CCDC30: variants seen among roughly 807,000 people sequenced by gnomAD.
The protein encoded by CCDC30 is coiled-coil domain containing 30.
In CCDC30, 70 loss-of-function variants were observed where a neutral mutation model predicts 100.2. The observed-to-expected ratio is 0.70, with a 90% CI of 0.58 to 0.85. The LOEUF (loss-of-function observed/expected upper bound fraction) is 0.85. Among genes scored for constraint, CCDC30 ranks in the 40% least tolerant of loss-of-function variants. CCDC30 has a pLI of 0.00. For missense variants in CCDC30, 652 were observed against 771.2 expected, an observed-to-expected ratio of 0.85 and a Z score of 1.83; for synonymous variants, 233 against 269.5, an observed-to-expected ratio of 0.86 and a Z score of 1.33.
At chr1:42,468,743 C>A (rs1227933665) in intron 1 of CCDC30, 1 of 152,100 alleles carries the variant, frequency 6.6e-6, no homozygotes, top group Admixed American at 6.5e-5. Context: ...TACATTTATT[C>A]TACAGACAGA....
chr1:42,473,840 G>T (rs1643842164), intron 1 of CCDC30, among the ~76,000 whole-genome samples: 2 of 152,200 alleles, frequency 1.3e-5, no homozygotes, highest in Non-Finnish European at 2.9e-5. Flanking sequence ...GTGAACAAAT[G>T]ATTCTAACTT....
intron 11 of CCDC30, among the ~76,000 whole-genome samples, chr1:42,611,340 T>C (rs2148642419): frequency 6.6e-6 from 1 of 152,296 alleles, no homozygotes; most frequent in Non-Finnish European, 1.5e-5. Context: ...ATTGAACTTG[T>C]TTTTCCCCAA....
chr1:42,494,035 G>A lies in CCDC30; in HGVS notation c.242-3063G>A, dbSNP rs146957026. Among the ~76,000 whole-genome samples the A allele has an allele frequency of 7.9e-3, 1,203 of 152,224 alleles. 21 individuals are homozygous for A. The highest frequency in any genetic ancestry group is 0.027 in the African/African-American group (1,124 of 41,532). On this transcript the variant is annotated intron_variant, in intron 4 of 16. Transcript: ENST00000668663. ...TCAAGACCAGCCTGGTGAGCATGGC[G>A]AAACCCCATCTCTACTAAAAATACA...
At position 42,543,059 on chromosome 1, in the gene CCDC30, A is replaced by G. The variant is rs1184195499; in HGVS notation, c.457-23237A>G. Reference sequence around the variant, plus strand: ...ATAAAATTGTCTTTTACGTTCCTTTATAATCTGACCTCTCCCTTCAATCTT... The same window carrying G: ...ATAAAATTGTCTTTTACGTTCCTTTGTAATCTGACCTCTCCCTTCAATCTT... On this transcript the variant is annotated intron_variant, in intron 6 of 16. Transcript: ENST00000668663. Among the ~76,000 whole-genome samples, 5 of 152,102 alleles carry G rather than the reference A, an allele frequency of 3.3e-5. No individual in the cohort carries two copies. The East Asian group carries it at 9.7e-4, about 29-fold the overall frequency.
At chr1:42,564,522 T>TCAGGTGATCCACCCACCTCGGC (rs1246489340) in intron 6 of CCDC30, among the ~76,000 whole-genome samples, 6 of 151,998 alleles carry the variant, frequency 3.9e-5, no homozygotes, top group African/African-American at 1.4e-4. Context: ...ACTCCTGACC[T>TCAGGTGATCCACCCACCTCGGC]CCCAAAGTGC....
chr1:42,646,735 T>C (rs1472860824), intron 15 of CCDC30, among the ~76,000 whole-genome samples: 2 of 152,184 alleles, frequency 1.3e-5, no homozygotes, highest in Non-Finnish European at 2.9e-5. Context: ...GGCAGTGCTC[T>C]CACCATTTAC....
chr1:42,466,485 A>C (rs1373904273), intron 1 of CCDC30, among the ~76,000 whole-genome samples: 1 of 152,150 alleles, frequency 6.6e-6, no homozygotes, highest in Admixed American at 6.6e-5. Flanking sequence ...TGGATTTTTA[A>C]GAGATTTAAT....
chr1:42,461,354 G>C (rs1336105185), upstream of CCDC30, among the ~76,000 whole-genome samples: 2 of 152,104 alleles, frequency 1.3e-5, no homozygotes, highest in African/African-American at 4.8e-5. Context: ...AATTTTCTTA[G>C]AGACAAGGTC....
chr1:42,576,934 G>T lies in CCDC30; in HGVS notation c.637-86G>T. 12 of 965,368 alleles carry T rather than the reference G, an allele frequency of 1.2e-5. No homozygotes were observed. In the South Asian group the frequency reaches 2.0e-4, roughly 16 times the overall value. The allele number at this position is 965,368 out of a possible 1,614,324, so 59.8% of individuals were successfully genotyped here. A position where few individuals can be genotyped will look rare whatever the true frequency, so the allele number is the denominator to read the frequency against. On this transcript the variant is annotated intron_variant, in intron 7 of 16. Transcript: ENST00000668663. ...CATTGGTATTTGTTGGCTTTTAGGGGACTATACTCCTTTGAAAGCTGCTTA... is the reference window on the plus strand; with the variant it reads ...CATTGGTATTTGTTGGCTTTTAGGGTACTATACTCCTTTGAAAGCTGCTTA...
chr1:42,470,504 T>C (rs898073020), intron 1 of CCDC30, among the ~76,000 whole-genome samples: 3 of 152,246 alleles, frequency 2.0e-5, no homozygotes, highest in African/African-American at 7.2e-5. Flanking sequence ...CAAATACTTT[T>C]ACACCAGTGT....
chr1:42,504,997 A>G (rs1489292060), intron 6 of CCDC30, among the ~76,000 whole-genome samples: 7 of 152,344 alleles, frequency 4.6e-5, no homozygotes, highest in African/African-American at 1.2e-4. Flanking sequence ...CTATAAGGAT[A>G]ATAATTAAGC....
chr1:42,642,489 AC>A lies in CCDC30; in HGVS notation c.1438del (p.Gln480ArgfsTer11). The A allele has an allele frequency of 6.3e-7, 1 of 1,592,948 alleles. No individual in the cohort carries two copies. The highest frequency in any genetic ancestry group is 8.5e-7 in the Non-Finnish European group (1 of 1,169,966). On this transcript the variant is annotated frameshift_variant, in exon 13 of 17. Coordinates refer to ENST00000668663, the Ensembl canonical transcript of CCDC30. LOFTEE classifies it high-confidence loss of function. The stretch of plus-strand genomic sequence containing the variant: ...AATCCCTAGGAGAAGGCAATACAGG[AC>A]CAGATCACTGCCCAAAATGATACCC...
At chr1:42,494,204 A>G (rs908859649) in intron 4 of CCDC30, among the ~76,000 whole-genome samples, 1 of 152,232 alleles carries the variant, frequency 6.6e-6, no homozygotes, top group Admixed American at 6.5e-5. Context: ...AACACCGCAT[A>G]TCTACAACTA....
chr1:42,473,252 T>A (rs1244702318), intron 1 of CCDC30: 3 of 1,231,522 alleles, frequency 2.4e-6, no homozygotes, highest in African/African-American at 3.1e-5. Context: ...TGAGGACTGC[T>A]ACCACAGATG....
intron 15 of CCDC30, among the ~76,000 whole-genome samples, chr1:42,652,664 G>A (rs1648452411): frequency 6.6e-6 from 1 of 152,012 alleles, no homozygotes; most frequent in African/African-American, 2.4e-5. Context: ...TAAACAAAAT[G>A]TGTTTTATCC....
intron 8 of CCDC30, 136 bp from the exon 13 acceptor site, chr1:42,581,224 T>C: frequency 1.5e-6 from 1 of 669,112 alleles, no homozygotes; most frequent in Non-Finnish European, 2.6e-6. Flanking sequence ...TAAAATTAAA[T>C]CTAGCTACTC....
rs367784739 is a variant in CCDC30, at chr1:42,468,068, AG to A, written c.-92+4171del. On this transcript the variant is annotated intron_variant, in intron 1 of 16. Coordinates refer to ENST00000668663, the Ensembl canonical transcript of CCDC30. Reference sequence around the variant, plus strand: ...GTAGTTCTGTATCCAATTCCTGTGTAGCCACATTTAGTTTCCAGCATATGTC... The same window carrying A: ...GTAGTTCTGTATCCAATTCCTGTGTACCACATTTAGTTTCCAGCATATGTC... Among the ~76,000 whole-genome samples, 11 of 152,320 alleles carry A rather than the reference AG, an allele frequency of 7.2e-5. No homozygotes were observed. In the East Asian group the frequency reaches 2.1e-3, roughly 29 times the overall value.
At chr1:42,554,710 A>G (rs1057354500) in intron 6 of CCDC30, among the ~76,000 whole-genome samples, 1 of 152,200 alleles carries the variant, frequency 6.6e-6, no homozygotes, top group African/African-American at 2.4e-5. Flanking sequence ...AAATAAAACC[A>G]GCATATTTGT....
At position 42,609,645 on chromosome 1, in the gene CCDC30, A is replaced by G. The variant is rs1646578246; in HGVS notation, c.1165-1333A>G. 2.6e-5 allele frequency among the ~76,000 whole-genome samples: 4 copies of G among 152,204 alleles called. No individual in the cohort carries two copies. In the South Asian group the frequency reaches 8.3e-4, roughly 32 times the overall value. ...TCCCTACACTTAACCCCAACTAACCATGGTGTGCTGGGATCCAACTGTAGT... is the reference window on the plus strand; with the variant it reads ...TCCCTACACTTAACCCCAACTAACCGTGGTGTGCTGGGATCCAACTGTAGT... On this transcript the variant is annotated intron_variant, in intron 10 of 16. Transcript: ENST00000668663.
Sources: allele counts gnomAD v4.1 joint callset (sites outside exome capture counted in the v4.1 genomes callset), GRCh38; gene constraint gnomAD v4.1.1; transcripts MANE v1.5; gene names NCBI Gene and HGNC (gene_info 2026-07-23, HGNC 2026-07-21).